Variants in PKD2L1 observed in about 807,000 individuals in gnomAD.
The protein encoded by PKD2L1 is polycystin-2-like protein 1.
Under a neutral mutation model 93.0 loss-of-function variants are expected in PKD2L1, and 77 were observed. The observed-to-expected ratio is 0.83, with a 90% CI of 0.69 to 1.00. PKD2L1 has a LOEUF of 1.00. PKD2L1 is among the 50% of genes least tolerant of loss of function. The pLI, the probability that PKD2L1 is intolerant of heterozygous loss-of-function variation, is 0.00. For synonymous variants in PKD2L1, 390 were observed against 388.0 expected (o/e 1.01, Z -0.06); for missense variants, 977 against 990.9 (o/e 0.99, Z 0.19).
At chr10:100,313,015 C>T (rs1391765134) in intron 2 of PKD2L1, among the ~76,000 whole-genome samples, 1 of 152,112 alleles carries the variant, frequency 6.6e-6, no homozygotes, top group Non-Finnish European at 1.5e-5. Context: ...GAGCTGAAGA[C>T]ACCAACTGTA....
chr10:100,297,999 A>G (rs1589665077), intron 4 of PKD2L1, among the ~76,000 whole-genome samples: 1 of 152,104 alleles, frequency 6.6e-6, no homozygotes, highest in East Asian at 1.9e-4. Context: ...TAGTCCCCCT[A>G]AGGGAAGCAC....
intron 2 of PKD2L1, among the ~76,000 whole-genome samples, chr10:100,327,565 T>C (rs1471367441): frequency 2.6e-5 from 4 of 152,206 alleles, no homozygotes; most frequent in Non-Finnish European, 5.9e-5. Flanking sequence ...GAGGCTAATC[T>C]GGAAAGAGAG....
chr10:100,303,263 G>A (rs1196728075), intron 2 of PKD2L1, among the ~76,000 whole-genome samples: 2 of 139,504 alleles, frequency 1.4e-5, no homozygotes, highest in African/African-American at 2.7e-5. Context: ...GCACGATCTC[G>A]GCTCACTGCA....
At chr10:100,312,051 A>C (rs1848946735) in intron 2 of PKD2L1, among the ~76,000 whole-genome samples, 1 of 152,078 alleles carries the variant, frequency 6.6e-6, no homozygotes, top group Non-Finnish European at 1.5e-5. Flanking sequence ...TATTCTGGTG[A>C]ATGTTATTGG....
At chr10:100,303,732 T>A (rs1848738592) in intron 2 of PKD2L1, among the ~76,000 whole-genome samples, 2 of 152,332 alleles carry the variant, frequency 1.3e-5, no homozygotes, top group South Asian at 4.1e-4. Context: ...AACTCAAATC[T>A]GTGATTACTT....
chr10:100,288,802 GCC>G (rs1237636036), intron 15 of PKD2L1, among the ~76,000 whole-genome samples, 168 bp downstream of exon 15: 16 of 152,180 alleles, frequency 1.1e-4, no homozygotes, highest in African/African-American at 3.1e-4. Flanking sequence ...TAAGCATGAT[GCC>G]CACCACACAC....
chr10:100,290,224 A>T (rs1848375725), intron 13 of PKD2L1, 86 bp from the exon 14 acceptor site: 1 of 1,546,188 alleles, frequency 6.5e-7, no homozygotes, highest in Admixed American at 1.7e-5. Flanking sequence ...ACAGAAGGGC[A>T]TGTGTCCTGA....
In PKD2L1 at chr10:100,293,057, T is replaced by C; in HGVS notation, c.1771A>G (p.Thr591Ala). Residue 591 changes from threonine to alanine, a missense_variant, in exon 11 of 16, where the codon ACC (threonine) becomes GCC (alanine). Transcript: ENST00000318222. ...SDLLKQGYNK[T>A]LLRLRLRKER... Reference sequence around the variant, plus strand: ...TTCCTCAGACGCAGTCTTAGTAGGGTCTTGTTGTAGCCCTGAAAGGGAAAG... The same window carrying C: ...TTCCTCAGACGCAGTCTTAGTAGGGCCTTGTTGTAGCCCTGAAAGGGAAAG... The C allele has an allele frequency of 6.2e-7, 1 of 1,613,948 alleles. No homozygotes were observed. Among genetic ancestry groups the C allele is most frequent in the Non-Finnish European group, 8.5e-7 (1 of 1,179,952 alleles).
chr10:100,321,836 A>C lies in PKD2L1; in HGVS notation c.349+7375T>G, dbSNP rs867979363. On this transcript the variant is annotated intron_variant, in intron 2 of 15. Transcript: ENST00000318222. The stretch of plus-strand genomic sequence containing the variant: ...GAAGGAAGGAAAGAAAGAAAGAAGG[A>C]AAGCAAGCAAGCAAGAAGGCAGGCA... 5.9e-3 allele frequency among the ~76,000 whole-genome samples: 21 copies of C among 3,542 alleles called. 1 individual carries two copies. Among genetic ancestry groups the C allele is most frequent in the Non-Finnish European group, 0.012 (11 of 892 alleles). The allele number at this position is 3,542 out of a possible 152,430, so 2.3% of individuals were successfully genotyped here.
intron 2 of PKD2L1, among the ~76,000 whole-genome samples, chr10:100,314,998 GGAA>G (rs1406648213): frequency 1.6e-4 from 2 of 12,618 alleles, no homozygotes; most frequent in Non-Finnish European, 1.2e-4. Flanking sequence ...AAGGAAGGAA[GGAA>G]GGAAGGAAGG....
chr10:100,290,525 C>T lies in PKD2L1; in HGVS notation c.2008-6G>A. On this transcript the variant is annotated splice_polypyrimidine_tract_variant and splice_region_variant and intron_variant, in intron 12 of 15. Transcript: ENST00000318222. Reference sequence around the variant, plus strand: ...ATCTCAGTGTTGAGGGCCACCTGCTCAGGAAGTCAGAGGTTAGAGGGGAGG... The same window carrying T: ...ATCTCAGTGTTGAGGGCCACCTGCTTAGGAAGTCAGAGGTTAGAGGGGAGG... The T allele has an allele frequency of 1.9e-6, 3 of 1,590,460 alleles. No homozygotes were observed. Among genetic ancestry groups the T allele is most frequent in the Non-Finnish European group, 8.6e-7 (1 of 1,160,422 alleles).
At chr10:100,329,081 T>C in intron 2 of PKD2L1, 130 bp downstream of exon 2, 1 of 750,074 alleles carries the variant, frequency 1.3e-6, no homozygotes, top group East Asian at 2.7e-5. Flanking sequence ...TATCTAAAGT[T>C]CCCGGATATA....
In PKD2L1 at chr10:100,296,155, C is replaced by G; in HGVS notation, c.1323G>C (p.Met441Ile). Residue 441 changes from methionine (M) to isoleucine (I), a missense_variant, in exon 7 of 16, where the codon ATG becomes ATC. Transcript: ENST00000318222. ...LAFWQTQYNN[M>I]NAVNLFFAWI... is the part of the protein sequence containing the mutation. ...AGGCGAAGAAGAGGTTGACAGCATT[C>G]ATGTTGTTGTACTGTGTCTGCCAGA... 1 of 1,611,296 alleles carries G rather than the reference C, an allele frequency of 6.2e-7. No individual in the cohort carries two copies.
At chr10:100,319,986 A>G (rs1183454066) in intron 2 of PKD2L1, among the ~76,000 whole-genome samples, 1 of 152,234 alleles carries the variant, frequency 6.6e-6, no homozygotes, top group Non-Finnish European at 1.5e-5. Context: ...CATAAATATC[A>G]TGATGATGGT....
At chr10:100,323,957 A>T (rs1278282381) in intron 2 of PKD2L1, among the ~76,000 whole-genome samples, 1 of 152,036 alleles carries the variant, frequency 6.6e-6, no homozygotes, top group Non-Finnish European at 1.5e-5. Context: ...CCTCCTGAGT[A>T]GCTGGGATTA....
intron 15 of PKD2L1, 108 bp from the exon 16 acceptor site, chr10:100,288,586 A>G: frequency 1.4e-6 from 1 of 732,760 alleles, no homozygotes; most frequent in Non-Finnish European, 2.4e-6. Context: ...GATACCGCCT[A>G]CTCTCTTGGT....
Position 100,296,177 on chromosome 10 carries a change from C to T in PKD2L1, c.1301G>A (p.Trp434Ter). Residue 434 changes from tryptophan to a stop codon, truncating the protein, a stop_gained, in exon 7 of 16, where the codon TGG becomes TAG. Transcript: ENST00000318222. LOFTEE classifies it high-confidence loss of function. ...TYADFEFLAFWQTQYNNMNAV... is the reference protein window; with the variant it reads ...TYADFEFLAF ...ATTCATGTTGTTGTACTGTGTCTGC[C>T]AGAAGGCGAGGAACTCAAAGTCTGC... The T allele has an allele frequency of 6.2e-7, 1 of 1,612,282 alleles. No individual in the cohort carries two copies. Among genetic ancestry groups the T allele is most frequent in the Non-Finnish European group, 8.5e-7 (1 of 1,179,242 alleles).
chr10:100,302,145 T>C (rs1848693768), intron 2 of PKD2L1, among the ~76,000 whole-genome samples: 1 of 152,088 alleles, frequency 6.6e-6, no homozygotes, highest in African/African-American at 2.4e-5. Context: ...CAAATGGTGA[T>C]TTTTTAAAAT....
At chr10:100,310,267 G>A (rs972159232) in intron 2 of PKD2L1, among the ~76,000 whole-genome samples, 2 of 152,184 alleles carry the variant, frequency 1.3e-5, no homozygotes, top group African/African-American at 4.8e-5. Context: ...CCAGGAGGCT[G>A]AGGCTGCACC....
Sources: allele counts gnomAD v4.1 joint callset (sites outside exome capture counted in the v4.1 genomes callset), GRCh38; gene constraint gnomAD v4.1.1; transcripts MANE v1.5; gene names NCBI Gene and HGNC (gene_info 2026-07-23, HGNC 2026-07-21).